The following USP22 variants were observed in gnomAD, a reference collection of about 807,000 sequenced individuals.
The protein encoded by USP22 is ubiquitin specific peptidase 22.
A neutral mutation model predicts 68.1 loss-of-function variants in USP22; 22 were observed. The observed-to-expected ratio is 0.32, with a 90% confidence interval of 0.23 to 0.46. The LOEUF (loss-of-function observed/expected upper bound fraction) is 0.46. Among genes scored for constraint, USP22 ranks in the 20% least tolerant of loss-of-function variants. USP22 has a pLI of 1.00. For missense variants in USP22, 433 were observed against 695.8 expected, an observed-to-expected ratio of 0.62 and a Z score of 4.25; for synonymous variants, 279 against 274.2, an observed-to-expected ratio of 1.02 and a Z score of -0.17.
At position 21,021,103 on chromosome 17, in the gene USP22, G is replaced by A; in HGVS notation, c.418+10C>T. 6.8e-6 allele frequency: 11 copies of A among 1,608,474 alleles called. No homozygotes were observed. Among genetic ancestry groups the A allele is most frequent in the Non-Finnish European group, 9.4e-6 (11 of 1,174,932 alleles). ...CAGGATCAAGCAGGTAAACTGAGGTGGAACCAAACCTTGCATTTTCCAAGC... is the reference window on the plus strand; with the variant it reads ...CAGGATCAAGCAGGTAAACTGAGGTAGAACCAAACCTTGCATTTTCCAAGC... On this transcript the variant is annotated intron_variant, in intron 3 of 12. Coordinates refer to ENST00000261497, the MANE Select transcript of USP22 (RefSeq NM_015276.2).
At chr17:21,012,668 A>T (rs1317763288) in intron 7 of USP22, among the ~76,000 whole-genome samples, 162 bp downstream of exon 7, 2 of 151,568 alleles carry the variant, frequency 1.3e-5, no homozygotes, top group Non-Finnish European at 2.9e-5. Context: ...CCCAAGAGGA[A>T]GCACCCCCAC....
rs1597693673 is a variant in USP22, at chr17:21,017,867, C to T, written c.690+75G>A. The stretch of plus-strand genomic sequence containing the variant: ...TAAATGTATCTTCCTTTATCATGGT[C>T]CACCTTAAATTTTTTTTTTGAAGGT... On this transcript the variant is annotated intron_variant, in intron 5 of 12. Coordinates refer to ENST00000261497, the MANE Select transcript of USP22 (RefSeq NM_015276.2). The T allele has an allele frequency of 7.7e-6, 12 of 1,552,978 alleles. No homozygotes were observed. The East Asian group carries it at 2.5e-4, about 32-fold the overall frequency.
At position 21,028,592 on chromosome 17, in the gene USP22, A is replaced by T; in HGVS notation, c.254T>A (p.Phe85Tyr). The change falls in exon 2 of 13, where the codon TTC (phenylalanine) becomes TAC (tyrosine). Residue 85 changes from phenylalanine to tyrosine, a missense_variant. Physicochemically the swap from Phe to Tyr is conservative, Grantham distance 22 (BLOSUM62 3). Transcript: ENST00000261497. The part of the protein sequence containing the change: ...SCLYCVFFGC[F>Y]TKKHIHEHAK... The stretch of plus-strand genomic sequence containing the variant: ...ATGCTCGTGAATATGCTTCTTTGTG[A>T]AACAGCCGAAGAAGACACAGTAGAG... 6.2e-7 allele frequency: 1 copy of T among 1,614,084 alleles called. No individual in the cohort carries two copies. Among genetic ancestry groups the T allele is most frequent in the Non-Finnish European group, 8.5e-7 (1 of 1,180,018 alleles).
intron 12 of USP22, among the ~76,000 whole-genome samples, chr17:21,003,924 G>C (rs763668670): frequency 1.5e-3 from 182 of 124,154 alleles, no homozygotes; most frequent in Non-Finnish European, 2.6e-3. Context: ...AAAAAAAAAA[G>C]AACTGATGTG....
chr17:21,002,960 G>T lies in USP22; in HGVS notation c.*71C>A, dbSNP rs893832398. 4 of 1,514,406 alleles carry T rather than the reference G, an allele frequency of 2.6e-6. No individual in the cohort carries two copies. The East Asian group carries it at 7.0e-5, about 27-fold the overall frequency. The allele number at this position is 1,514,406 out of a possible 1,614,324, so 93.8% of individuals were successfully genotyped here. A position where few individuals can be genotyped will look rare whatever the true frequency, so the allele number is the denominator to read the frequency against. On this transcript the variant is annotated 3_prime_UTR_variant, in exon 13 of 13. Coordinates refer to ENST00000261497, the MANE Select transcript of USP22 (RefSeq NM_015276.2). ...CGGCGGGAGACTTGGGGGAGGGGGG[G>T]GCCAGGGAGGATCACTTTGTGAGGC...
rs1913537979 is a variant in USP22, at chr17:21,000,693, A to C, written c.*2338T>G. 1 of 152,254 alleles carries C rather than the reference A, an allele frequency of 6.6e-6. No individual in the cohort carries two copies. Among genetic ancestry groups the C allele is most frequent in the African/African-American group, 2.4e-5 (1 of 41,466 alleles). 9.4% of individuals were successfully genotyped at this position (152,254 alleles called of 1,614,324 possible). On this transcript the variant is annotated 3_prime_UTR_variant, in exon 13 of 13. Transcript: ENST00000261497. ...GTCCCAAGGTGGCAAGCCTTCATGA[A>C]GGCACTGCCCAGCTCACAATCCTGT...
chr17:21,010,087 C>A (rs1409670853), intron 8 of USP22, among the ~76,000 whole-genome samples: 1 of 152,084 alleles, frequency 6.6e-6, no homozygotes, highest in Non-Finnish European at 1.5e-5. Context: ...GAGGCTGAGC[C>A]CAGGAGATCG....
intron 3 of USP22, among the ~76,000 whole-genome samples, chr17:21,020,366 G>A (rs1208438948): frequency 6.6e-6 from 1 of 151,962 alleles, no homozygotes; most frequent in East Asian, 1.9e-4. Context: ...ACCAGTGTGT[G>A]TGGCCACACG....
intron 1 of USP22, among the ~76,000 whole-genome samples, chr17:21,040,475 G>A (rs894388892): frequency 1.3e-5 from 2 of 152,112 alleles, no homozygotes; most frequent in Non-Finnish European, 2.9e-5. Context: ...AATTTTGAAA[G>A]AAATATTTTT....
At chr17:21,015,987 C>T in intron 5 of USP22, 88 bp from the exon 6 acceptor site, 2 of 1,448,566 alleles carry the variant, frequency 1.4e-6, no homozygotes, top group Admixed American at 2.6e-5. Context: ...TTATCAGATG[C>T]CTACCATTGG....
rs1169075054 is a variant in USP22 at position 21,015,855 on chromosome 17, C to T, written c.735G>A (p.Leu245=). The change falls in exon 6 of 13, where the codon CTG becomes CTA. Residue 245 remains leucine, a synonymous_variant. Coordinates refer to ENST00000261497, the MANE Select transcript of USP22 (RefSeq NM_015276.2). ...GCCTCGCGTGGGTCCACACCAGGTG[C>T]AGCAACTTATACGGGATGTGAGGGG... The part of the protein sequence containing the change: ...HRSPHIPYKL[L]HLVWTHARHL... 2.5e-6 allele frequency: 4 copies of T among 1,614,112 alleles called. No homozygotes were observed. Among genetic ancestry groups the T allele is most frequent in the Non-Finnish European group, 8.5e-7 (1 of 1,180,024 alleles).
At chr17:21,027,126 G>A (rs1389580865) in intron 2 of USP22, among the ~76,000 whole-genome samples, 6 of 150,940 alleles carry the variant, frequency 4.0e-5, no homozygotes, top group East Asian at 2.0e-4. Flanking sequence ...GAAGTCACTC[G>A]GCCTCCCAAA....
At chr17:21,016,711 A>T (rs1285173465) in intron 5 of USP22, among the ~76,000 whole-genome samples, 1 of 152,192 alleles carries the variant, frequency 6.6e-6, no homozygotes, top group East Asian at 1.9e-4. Flanking sequence ...CATCCGTATG[A>T]TGCGCTGGTA....
chr17:21,012,657 C>A (rs969407060), intron 7 of USP22, among the ~76,000 whole-genome samples, 173 bp downstream of exon 7: 4 of 151,648 alleles, frequency 2.6e-5, no homozygotes, highest in African/African-American at 7.3e-5. Context: ...CCTACGACCT[C>A]CCCAAGAGGA....
chr17:21,006,862 T>C, intron 10 of USP22, 34 bp downstream of exon 10: 1 of 1,536,012 alleles, frequency 6.5e-7, no homozygotes, highest in Non-Finnish European at 8.8e-7. Context: ...TCACAGCCCC[T>C]CAGGACACAG....
chr17:21,020,750 G>A (rs959035737), intron 3 of USP22, among the ~76,000 whole-genome samples: 4 of 152,176 alleles, frequency 2.6e-5, no homozygotes, highest in African/African-American at 7.2e-5. Flanking sequence ...ACCTGTCCCC[G>A]AGAGGTGTGA....
chr17:21,040,168 C>CT (rs1441899913), intron 1 of USP22, among the ~76,000 whole-genome samples: 1 of 152,158 alleles, frequency 6.6e-6, no homozygotes, highest in African/African-American at 2.4e-5. Flanking sequence ...GAGCAAGACT[C>CT]TGTCTCTACA....
At chr17:21,007,821 G>A (rs201062335) in intron 9 of USP22, 49 bp downstream of exon 9, 1 of 1,612,514 alleles carries the variant, frequency 6.2e-7, no homozygotes, top group East Asian at 2.2e-5. Context: ...ACCGTACTGT[G>A]GACTAAAAAC....
chr17:21,003,201 T>A, intron 12 of USP22, 128 bp from the exon 13 acceptor site: 1 of 1,150,208 alleles, frequency 8.7e-7, no homozygotes, highest in Non-Finnish European at 1.3e-6. Context: ...AGTTGATGGT[T>A]TTGGCTTTTT....
Sources: allele counts gnomAD v4.1 joint callset (sites outside exome capture counted in the v4.1 genomes callset), GRCh38; gene constraint gnomAD v4.1.1; transcripts MANE v1.5; gene names NCBI Gene and HGNC (gene_info 2026-07-23, HGNC 2026-07-21).